The following HPS4 variants were observed in gnomAD, a reference collection of about 807,000 sequenced individuals.
The protein encoded by HPS4 is HPS4 biogenesis of lysosomal organelles complex 3 subunit 2, also known as BLOC-3 complex member HPS4.
In HPS4, 44 loss-of-function variants were observed where a neutral mutation model predicts 70.3. The ratio of observed to expected loss-of-function variants is 0.63; its 90% CI spans 0.49 to 0.80. The LOEUF is 0.80. Ranked by LOEUF, HPS4 falls within the 30% of genes least tolerant of loss-of-function variation. HPS4 has a pLI of 0.00. For synonymous variants in HPS4, 377 were observed against 355.9 expected (o/e 1.06, Z -0.67); for missense variants, 873 against 884.4 (o/e 0.99, Z 0.16).
downstream of HPS4, among the ~76,000 whole-genome samples, chr22:26,450,823 T>C (rs1198096134): frequency 1.3e-5 from 2 of 152,234 alleles, no homozygotes; most frequent in Non-Finnish European, 2.9e-5. Context: ...CCTTCTGCCA[T>C]GATCATAAGT....
intron 3 of HPS4, chr22:26,445,106 G>A (rs116613604): frequency 0.02 from 3,045 of 152,690 alleles, 82 homozygotes; most frequent in African/African-American, 0.07. Context: ...GAAGCTGAGC[G>A]GGGAGGATTG....
At chr22:26,474,517 T>C (rs576256775) in intron 4 of HPS4, among the ~76,000 whole-genome samples, 5 of 152,212 alleles carry the variant, frequency 3.3e-5, no homozygotes, top group African/African-American at 1.2e-4. Flanking sequence ...TCTCCTCCAA[T>C]GGAGTAGGCA....
chr22:26,465,712 C>T (rs973815251), intron 9 of HPS4, 161 bp from the exon 10 acceptor site: 4 of 640,736 alleles, frequency 6.2e-6, no homozygotes, highest in Middle Eastern at 4.1e-4. Flanking sequence ...AACTGCACCT[C>T]GAACTCCTGG....
intron 11 of HPS4, among the ~76,000 whole-genome samples, chr22:26,459,694 G>A (rs2086869292): frequency 6.6e-6 from 1 of 152,202 alleles, no homozygotes; most frequent in Non-Finnish European, 1.5e-5. Flanking sequence ...ATGACCAGGA[G>A]CAAGTTACCA....
At chr22:26,443,463 C>G, downstream of HPS4, 1 of 430,428 alleles carries the variant, frequency 2.3e-6, no homozygotes, top group South Asian at 2.3e-5. Context: ...TCTGGCCTAA[C>G]AGCGCATTCC....
At chr22:26,461,183 A>G (rs2087189332) in intron 11 of HPS4, among the ~76,000 whole-genome samples, 1 of 152,252 alleles carries the variant, frequency 6.6e-6, no homozygotes, top group African/African-American at 2.4e-5. Context: ...TGGAACACAC[A>G]TTCACTTAGA....
intron 9 of HPS4, 152 bp downstream of exon 9, chr22:26,466,074 C>A (rs747463385): frequency 6.4e-7 from 1 of 1,567,556 alleles, no homozygotes; most frequent in Non-Finnish European, 8.6e-7. Flanking sequence ...GTGGGTAACT[C>A]GATTCTTGAA....
At chr22:26,456,825 T>C (rs1569022156) in intron 13 of HPS4, among the ~76,000 whole-genome samples, 1 of 152,180 alleles carries the variant, frequency 6.6e-6, no homozygotes, top group South Asian at 2.1e-4. Flanking sequence ...TATAAAGTGA[T>C]CTTTAAAGCC....
In HPS4 at chr22:26,466,236, C is replaced by A. The variant is rs3747132; in HGVS notation, c.696G>T (p.Pro232=). The part of the protein sequence containing the change: ...EQRLPTGEDA[P]QEHGAALPPN... ...CGCCTCACTACTTACCATGTTCCTG[C>A]GGGGCATCCTCTCCCGTAGGGAGTC... Residue 232 remains proline, a synonymous_variant, in exon 9 of 14, where the codon CCG becomes CCT. Coordinates refer to ENST00000398145, the MANE Select transcript of HPS4 (RefSeq NM_022081.6). 6.2e-7 allele frequency: 1 copy of A among 1,614,168 alleles called. No individual in the cohort carries two copies. The highest frequency in any genetic ancestry group is 1.1e-5 in the South Asian group (1 of 91,082).
At chr22:26,477,235 G>A in intron 3 of HPS4, 99 bp from the exon 4 acceptor site, 1 of 1,293,532 alleles carries the variant, frequency 7.7e-7, no homozygotes, top group South Asian at 1.2e-5. Context: ...AATCCAGTCT[G>A]TTACCCGTTT....
intron 7 of HPS4, among the ~76,000 whole-genome samples, chr22:26,470,236 C>T (rs2089562812): frequency 6.6e-6 from 1 of 152,232 alleles, no homozygotes. Context: ...AGTGAATTCT[C>T]AGAGGCCAAC....
rs200106342 is a variant in HPS4 at position 26,479,724 on chromosome 22, G to A, written c.42-369C>T. On this transcript the variant is annotated intron_variant, in intron 2 of 13. Transcript: ENST00000398145. ...GGCTCTGATAACAAAATAAGTTAGGGATGTATTAGATGCACTCCTCATAAG... is the reference window on the plus strand; with the variant it reads ...GGCTCTGATAACAAAATAAGTTAGGAATGTATTAGATGCACTCCTCATAAG... 25 of 1,044,698 alleles carry A rather than the reference G, an allele frequency of 2.4e-5. No individual in the cohort carries two copies. The East Asian group carries it at 1.8e-3, about 76-fold the overall frequency. 64.7% of individuals were successfully genotyped at this position (1,044,698 alleles called of 1,614,324 possible).
At chr22:26,479,451 T>G in intron 2 of HPS4, 96 bp from the exon 3 acceptor site, 1 of 1,545,504 alleles carries the variant, frequency 6.5e-7, no homozygotes, top group Non-Finnish European at 8.7e-7. Flanking sequence ...GGAGGGCTTA[T>G]TACTGTGTTT....
chr22:26,461,190 TAG>T (rs968811723), intron 11 of HPS4, among the ~76,000 whole-genome samples: 13 of 152,232 alleles, frequency 8.5e-5, no homozygotes, highest in Non-Finnish European at 1.6e-4. Context: ...CACATTCACT[TAG>T]AGATACCGGT....
intron 3 of HPS4, among the ~76,000 whole-genome samples, chr22:26,477,817 G>T (rs1328975236): frequency 1.3e-5 from 2 of 152,186 alleles, no homozygotes; most frequent in Non-Finnish European, 2.9e-5. Context: ...AATCTAGAGT[G>T]TGGGACATTC....
Position 26,464,400 on chromosome 22 carries a change from G to A in HPS4, c.1230C>T (p.Ser410=). The A allele has an allele frequency of 6.2e-7, 1 of 1,614,220 alleles. No homozygotes were observed. The highest frequency in any genetic ancestry group is 8.5e-7 in the Non-Finnish European group (1 of 1,180,032). Residue 410 remains serine (S), a synonymous_variant, in exon 11 of 14, where the codon AGC becomes AGT. Transcript: ENST00000398145. ...PYCKASLSAS[S]SLEPTPPEDT... is the part of the protein sequence containing the mutation. ...CCTCAGGAGGCGTGGGTTCCAGGCT[G>A]CTGGAGGCGCTGAGAGATGCCTTGC...
rs774473329 is a variant in HPS4, at chr22:26,472,846, A to C, written c.370T>G (p.Ser124Ala). The change falls in exon 5 of 14, where the codon TCC becomes GCC. Residue 124 changes from serine to alanine, a missense_variant. Transcript: ENST00000398145. ...CATACTTGTACCTCATAAGCTAGGG[A>C]AACAGGTCCATTGTAAAAATTAAAG... The part of the protein sequence containing the change: ...GFFNFYNGPV[S>A]LAYENCSQEE... 1.2e-6 allele frequency: 2 copies of C among 1,613,812 alleles called. No homozygotes were observed. The highest frequency in any genetic ancestry group is 2.2e-5 in the South Asian group (2 of 91,074).
intron 11 of HPS4, 119 bp downstream of exon 11, chr22:26,463,798 T>C: frequency 9.2e-7 from 1 of 1,081,124 alleles, no homozygotes; most frequent in Non-Finnish European, 1.4e-6. Flanking sequence ...TTGCCCAGGG[T>C]CACACAACTG....
Position 26,476,836 on chromosome 22 carries a change from T to C in HPS4, c.276+157A>G, listed in dbSNP as rs1448841880. 5 of 752,006 alleles carry C rather than the reference T, an allele frequency of 6.6e-6. No individual in the cohort carries two copies. In the African/African-American group the frequency reaches 8.7e-5, roughly 13 times the overall value. 46.6% of individuals were successfully genotyped at this position (752,006 alleles called of 1,614,324 possible). ...TGGAAAGCACTTGATGATGAAAACC[T>C]GCAGAGAGTACCACAGGAAGCGAGG... On this transcript the variant is annotated intron_variant, in intron 4 of 13. Coordinates refer to ENST00000398145, the MANE Select transcript of HPS4 (RefSeq NM_022081.6).
Sources: gnomAD v4.1 joint callset for allele counts (sites outside exome capture counted in the v4.1 genomes callset) on GRCh38, gnomAD v4.1.1 for gene constraint, MANE v1.5 for transcripts, NCBI Gene and HGNC (gene_info 2026-07-23, HGNC 2026-07-21) for gene names.